Variants in EPHA7 observed in about 807,000 individuals in gnomAD.
EPHA7 encodes the protein ephrin type-A receptor 7.
EPHA7 carries 25 observed loss-of-function variants against 112.6 expected under a neutral mutation model. That is an observed-to-expected ratio of 0.22 (90% CI 0.16 to 0.31). EPHA7 has a LOEUF of 0.31. EPHA7 is among the 10% of genes least tolerant of loss of function. The probability of loss-of-function intolerance (pLI) is 1.00; values close to 1 mark genes in which losing one functional copy is unlikely to be tolerated. For synonymous variants in EPHA7, 437 were observed against 406.5 expected (o/e 1.07, Z -0.90); for missense variants, 962 against 1,212.6 (o/e 0.79, Z 3.07).
chr6:93,378,922 T>C (rs1433269042), intron 3 of EPHA7, among the ~76,000 whole-genome samples: 2 of 152,156 alleles, frequency 1.3e-5, no homozygotes, highest in Non-Finnish European at 2.9e-5. Flanking sequence ...AATCTGGTAC[T>C]TCATTACTGT....
At chr6:93,254,331 CAT>C (rs1770343114) in intron 14 of EPHA7, among the ~76,000 whole-genome samples, 1 of 152,058 alleles carries the variant, frequency 6.6e-6, no homozygotes, top group African/African-American at 2.4e-5. Context: ...TTCTTTTACT[CAT>C]GTGATGCTCC....
At chr6:93,374,852 A>G (rs77353764) in intron 3 of EPHA7, among the ~76,000 whole-genome samples, 1,880 of 152,340 alleles carry the variant, frequency 0.012, 37 homozygotes, top group African/African-American at 0.043. Flanking sequence ...AGTGTTTGGC[A>G]CACAGTAAGT....
intron 5 of EPHA7, among the ~76,000 whole-genome samples, chr6:93,282,460 T>G (rs531715378): frequency 6.6e-6 from 1 of 152,220 alleles, no homozygotes; most frequent in African/African-American, 2.4e-5. Context: ...TCACTGCAGA[T>G]AGTAATGAGA....
chr6:93,252,357 T>C (rs1374293109), intron 14 of EPHA7, among the ~76,000 whole-genome samples: 1 of 151,948 alleles, frequency 6.6e-6, no homozygotes, highest in Non-Finnish European at 1.5e-5. Context: ...AGTTAATTGG[T>C]TCACTTGATA....
chr6:93,286,550 T>A (rs933540404), intron 5 of EPHA7, among the ~76,000 whole-genome samples: 3 of 152,080 alleles, frequency 2.0e-5, no homozygotes, highest in Admixed American at 6.6e-5. Flanking sequence ...GAGAGGGAGA[T>A]CACACACTTA....
intron 5 of EPHA7, among the ~76,000 whole-genome samples, chr6:93,337,348 CAA>C (rs1159647998): frequency 6.6e-6 from 1 of 152,106 alleles, no homozygotes; most frequent in Non-Finnish European, 1.5e-5. Context: ...AAGGCTGCAA[CAA>C]AAGTCTATTT....
At chr6:93,374,526 T>C (rs772966612) in intron 3 of EPHA7, among the ~76,000 whole-genome samples, 12 of 152,224 alleles carry the variant, frequency 7.9e-5, no homozygotes, top group Admixed American at 5.2e-4. Context: ...TAGCGAACCT[T>C]TGACACTGCC....
intron 3 of EPHA7, among the ~76,000 whole-genome samples, chr6:93,407,599 G>A (rs1778783385): frequency 2.0e-5 from 3 of 151,986 alleles, no homozygotes; most frequent in East Asian, 1.9e-4. Flanking sequence ...ATATTCTTTC[G>A]ATTAAACCAT....
At chr6:93,353,441 A>G (rs1775793009) in intron 5 of EPHA7, among the ~76,000 whole-genome samples, 2 of 152,156 alleles carry the variant, frequency 1.3e-5, no homozygotes, top group Non-Finnish European at 2.9e-5. Flanking sequence ...TGATAACTAG[A>G]TAAGTCATAT....
intron 3 of EPHA7, among the ~76,000 whole-genome samples, chr6:93,395,430 A>G (rs1778118374): frequency 6.6e-6 from 1 of 151,942 alleles, no homozygotes; most frequent in Non-Finnish European, 1.5e-5. Context: ...CTTGTTCTGC[A>G]GCACAGTCAA....
chr6:93,310,233 C>A (rs1191932104), intron 5 of EPHA7, among the ~76,000 whole-genome samples: 24 of 152,100 alleles, frequency 1.6e-4, no homozygotes, highest in Admixed American at 1.6e-3. Context: ...AGTTGTACGG[C>A]CACCCCCAAC....
rs144848353 is a variant in EPHA7, at chr6:93,331,035, C to T, written c.1324+25682G>A. 4.6e-5 allele frequency among the ~76,000 whole-genome samples: 7 copies of T among 151,410 alleles called. No homozygotes were observed. The East Asian group carries it at 9.7e-4, about 21-fold the overall frequency. ...TGATCGGTCTGTTTAGGTTCACAGT[C>T]AAGAGTGGGCATATATGTCAAACAT... On this transcript the variant is annotated intron_variant, in intron 5 of 16. Coordinates refer to ENST00000369303, the MANE Select transcript of EPHA7 (RefSeq NM_004440.4).
In EPHA7 at chr6:93,285,055, T is replaced by C. The variant is rs368689887; in HGVS notation, c.1325-12633A>G. Among the ~76,000 whole-genome samples, 13 of 152,302 alleles carry C rather than the reference T, an allele frequency of 8.5e-5. 1 individual carries two copies. The highest frequency in any genetic ancestry group is 2.2e-4 in the African/African-American group (9 of 41,576). On this transcript the variant is annotated intron_variant, in intron 5 of 16. Coordinates refer to ENST00000369303, the MANE Select transcript of EPHA7 (RefSeq NM_004440.4). ...AATTGCTCCAGGTACTCTGAATACA[T>C]TGTATCTCAAAAGTGCATAAACTTA...
At chr6:93,274,504 A>C (rs1407763487) in intron 5 of EPHA7, among the ~76,000 whole-genome samples, 1 of 151,966 alleles carries the variant, frequency 6.6e-6, no homozygotes, top group Non-Finnish European at 1.5e-5. Flanking sequence ...AAATACTTCA[A>C]ATATATAATA....
chr6:93,358,014 T>C (rs1335227612), intron 4 of EPHA7, among the ~76,000 whole-genome samples: 4 of 152,138 alleles, frequency 2.6e-5, no homozygotes, highest in Non-Finnish European at 5.9e-5. Flanking sequence ...ATGTGAAAAA[T>C]ATTAAAATGC....
At chr6:93,404,363 G>A (rs1234840293) in intron 3 of EPHA7, among the ~76,000 whole-genome samples, 1 of 151,826 alleles carries the variant, frequency 6.6e-6, no homozygotes, top group East Asian at 1.9e-4. Flanking sequence ...TCTGAAAAAA[G>A]TTTATGTTCA....
chr6:93,341,034 A>G (rs188347824), intron 5 of EPHA7, among the ~76,000 whole-genome samples: 1 of 151,892 alleles, frequency 6.6e-6, no homozygotes, highest in Non-Finnish European at 1.5e-5. Flanking sequence ...CCTTTCTCCT[A>G]GTACCATCAG....
At chr6:93,355,621 T>C (rs1775907330) in intron 5 of EPHA7, among the ~76,000 whole-genome samples, 1 of 152,188 alleles carries the variant, frequency 6.6e-6, no homozygotes, top group South Asian at 2.1e-4. Context: ...TCTTCAGCAA[T>C]AAGAATTTTT....
chr6:93,321,970 C>T (rs1406098124), intron 5 of EPHA7, among the ~76,000 whole-genome samples: 1 of 151,754 alleles, frequency 6.6e-6, no homozygotes, highest in Non-Finnish European at 1.5e-5. Flanking sequence ...ACATTAATTT[C>T]TTCATATTTA....
Sources: allele counts gnomAD v4.1 joint callset (sites outside exome capture counted in the v4.1 genomes callset), GRCh38; gene constraint gnomAD v4.1.1; transcripts MANE v1.5; gene names NCBI Gene and HGNC (gene_info 2026-07-23, HGNC 2026-07-21).